The following PLXDC2 variants were observed in gnomAD, a reference collection of about 807,000 sequenced individuals.
PLXDC2 encodes the protein plexin domain containing 2.
Under a neutral mutation model 68.9 loss-of-function variants are expected in PLXDC2, and 40 were observed. The observed-to-expected ratio is 0.58, with a 90% CI of 0.45 to 0.76. The LOEUF (loss-of-function observed/expected upper bound fraction) is 0.76. Ranked by LOEUF, PLXDC2 falls within the 30% of genes least tolerant of loss-of-function variation. The pLI, the probability that PLXDC2 is intolerant of heterozygous loss-of-function variation, is 0.00. For synonymous variants in PLXDC2, 243 were observed against 234.2 expected (o/e 1.04, Z -0.34); for missense variants, 644 against 661.9 (o/e 0.97, Z 0.30).
chr10:20,001,335 T>C (rs1453922968), intron 1 of PLXDC2, among the ~76,000 whole-genome samples: 1 of 152,214 alleles, frequency 6.6e-6, no homozygotes, highest in Non-Finnish European at 1.5e-5. Flanking sequence ...GAAATAAATA[T>C]GAAATAAATA....
At chr10:20,174,794 A>T (rs879733013) in intron 7 of PLXDC2, among the ~76,000 whole-genome samples, 11 of 151,360 alleles carry the variant, frequency 7.3e-5, no homozygotes, top group South Asian at 2.1e-4. Flanking sequence ...AAGTATAATT[A>T]AAAAAAAAGA....
intron 1 of PLXDC2, among the ~76,000 whole-genome samples, chr10:19,894,390 T>A (rs576513807): frequency 1.8e-3 from 278 of 152,190 alleles, no homozygotes; most frequent in African/African-American, 6.6e-3. Flanking sequence ...AGAGATTCAT[T>A]TGAATTTTAA....
chr10:20,082,911 G>C (rs1431289741), intron 4 of PLXDC2, among the ~76,000 whole-genome samples: 1 of 151,854 alleles, frequency 6.6e-6, no homozygotes, highest in Non-Finnish European at 1.5e-5. Context: ...AACACCACAG[G>C]ATGCAGATAA....
At chr10:19,897,166 A>G (rs778803229) in intron 1 of PLXDC2, among the ~76,000 whole-genome samples, 6 of 151,398 alleles carry the variant, frequency 4.0e-5, no homozygotes, top group Non-Finnish European at 8.8e-5. Flanking sequence ...TCTGTATTTC[A>G]GAATGATATG....
chr10:19,890,677 T>C (rs113035290), intron 1 of PLXDC2, among the ~76,000 whole-genome samples: 1 of 1,378 alleles, frequency 7.3e-4, no homozygotes, highest in Non-Finnish European at 2.9e-3. Context: ...GCCCGGCTGC[T>C]TTTTTTTTTT....
At chr10:20,178,584 G>A (rs912036873) in intron 9 of PLXDC2, among the ~76,000 whole-genome samples, 4 of 152,032 alleles carry the variant, frequency 2.6e-5, no homozygotes, top group Non-Finnish European at 4.4e-5. Context: ...CCGAGCTTTC[G>A]GTTGTATGAG....
intron 6 of PLXDC2, among the ~76,000 whole-genome samples, chr10:20,158,475 G>C (rs1834245609): frequency 6.9e-6 from 1 of 144,662 alleles, no homozygotes; most frequent in African/African-American, 2.6e-5. Context: ...TTACAGCCTG[G>C]GTAACATAAT....
intron 1 of PLXDC2, among the ~76,000 whole-genome samples, chr10:19,911,910 A>G (rs1833278078): frequency 6.6e-6 from 1 of 152,202 alleles, no homozygotes; most frequent in Admixed American, 6.6e-5. Flanking sequence ...TGTTCTATGT[A>G]AGCAAATTGT....
chr10:20,247,569 A>T (rs551839401), intron 13 of PLXDC2, among the ~76,000 whole-genome samples: 124 of 152,152 alleles, frequency 8.1e-4, no homozygotes, highest in Non-Finnish European at 1.5e-3. Context: ...GCTTCTCTAG[A>T]CCATCTTCCT....
chr10:20,029,018 G>T (rs1835454977), intron 2 of PLXDC2, among the ~76,000 whole-genome samples: 4 of 152,134 alleles, frequency 2.6e-5, no homozygotes, highest in Admixed American at 1.3e-4. Flanking sequence ...GAGAGTTTCT[G>T]TATTACCTCT....
chr10:20,009,403 G>A (rs1001666944), intron 2 of PLXDC2, among the ~76,000 whole-genome samples: 3 of 151,970 alleles, frequency 2.0e-5, no homozygotes, highest in Non-Finnish European at 2.9e-5. Context: ...CCTTTTGGGG[G>A]GATCTTAAAC....
At chr10:19,876,616 A>G (rs529359653) in intron 1 of PLXDC2, among the ~76,000 whole-genome samples, 147 of 151,028 alleles carry the variant, frequency 9.7e-4, no homozygotes, top group African/African-American at 3.4e-3. Flanking sequence ...AAAAAAAAAA[A>G]AAAAAAAAAG....
At chr10:20,250,271 C>CAA (rs35463564) in intron 13 of PLXDC2, among the ~76,000 whole-genome samples, 52,973 of 107,990 alleles carry the variant, frequency 0.49, 12,868 homozygotes, top group Middle Eastern at 0.62. Flanking sequence ...GATCCTGTTT[C>CAA]AAAAAAAAAA....
At chr10:20,120,244 A>G (rs766273831) in intron 4 of PLXDC2, among the ~76,000 whole-genome samples, 6 of 152,230 alleles carry the variant, frequency 3.9e-5, no homozygotes, top group Non-Finnish European at 7.3e-5. Flanking sequence ...AAGAGTGTCT[A>G]TACAGGAGCT....
At chr10:19,949,473 T>C (rs1371631713) in intron 1 of PLXDC2, among the ~76,000 whole-genome samples, 1 of 152,046 alleles carries the variant, frequency 6.6e-6, no homozygotes, top group Non-Finnish European at 1.5e-5. Context: ...AAACTACTAA[T>C]AGGAATAGGA....
chr10:20,098,350 T>C (rs1396714815), intron 4 of PLXDC2, among the ~76,000 whole-genome samples: 10 of 127,590 alleles, frequency 7.8e-5, no homozygotes, highest in African/African-American at 2.4e-4. Flanking sequence ...TTCGTGCGTG[T>C]GTGTGTATGT....
intron 1 of PLXDC2, among the ~76,000 whole-genome samples, chr10:19,866,375 A>G (rs957065122): frequency 3.3e-5 from 5 of 152,110 alleles, no homozygotes; most frequent in Non-Finnish European, 7.3e-5. Context: ...CATCTTCCTT[A>G]TTCTAAGCCG....
At chr10:19,989,899 G>A (rs34935129) in intron 1 of PLXDC2, among the ~76,000 whole-genome samples, 9,551 of 151,642 alleles carry the variant, frequency 0.063, 375 homozygotes, top group Middle Eastern at 0.13. Flanking sequence ...GCAAGCATTC[G>A]CCACCATGCC....
At chr10:20,162,909 CAAAAA>C (rs71390763) in intron 6 of PLXDC2, among the ~76,000 whole-genome samples, 3 of 98,058 alleles carry the variant, frequency 3.1e-5, no homozygotes, top group Non-Finnish European at 5.8e-5. Flanking sequence ...ACTAAAAATA[CAAAAA>C]AAAAAAAAAA....
Sources: gnomAD v4.1 joint callset for allele counts (sites outside exome capture counted in the v4.1 genomes callset) on GRCh38, gnomAD v4.1.1 for gene constraint, MANE v1.5 for transcripts, NCBI Gene and HGNC (gene_info 2026-07-23, HGNC 2026-07-21) for gene names.